BICD1: variants seen among roughly 807,000 people sequenced by gnomAD.
BICD1 encodes the protein protein bicaudal D homolog 1.
Under a neutral mutation model 92.5 loss-of-function variants are expected in BICD1, and 35 were observed. The ratio of observed to expected loss-of-function variants is 0.38; its 90% CI spans 0.29 to 0.50. The LOEUF (loss-of-function observed/expected upper bound fraction) is 0.50. Among genes scored for constraint, BICD1 ranks in the 20% least tolerant of loss-of-function variants. BICD1 has a pLI of 0.93. For synonymous variants in BICD1, 429 were observed against 465.1 expected (o/e 0.92, Z 1.00); for missense variants, 950 against 1,189.8 (o/e 0.80, Z 2.97).
chr12:32,179,182 C>G (rs1231803513), intron 1 of BICD1, among the ~76,000 whole-genome samples: 2 of 151,890 alleles, frequency 1.3e-5, no homozygotes, highest in Non-Finnish European at 2.9e-5. Context: ...GGAAGGAATG[C>G]TGCTTTGCAT....
At chr12:32,246,985 C>T (rs1946405677) in intron 2 of BICD1, among the ~76,000 whole-genome samples, 1 of 152,046 alleles carries the variant, frequency 6.6e-6, no homozygotes, top group Non-Finnish European at 1.5e-5. Flanking sequence ...TGGTCAGGCA[C>T]CGTGGCTCAC....
intron 1 of BICD1, among the ~76,000 whole-genome samples, chr12:32,166,453 AT>A (rs1943775085): frequency 6.6e-6 from 1 of 151,916 alleles, no homozygotes; most frequent in Non-Finnish European, 1.5e-5. Flanking sequence ...GACATTTTTG[AT>A]TGTCACAACT....
intron 2 of BICD1, among the ~76,000 whole-genome samples, chr12:32,256,510 G>A (rs1946725111): frequency 1.3e-5 from 2 of 152,170 alleles, no homozygotes; most frequent in African/African-American, 4.8e-5. Context: ...GATTTACCCA[G>A]TTTTGTTGAG....
intron 9 of BICD1, among the ~76,000 whole-genome samples, chr12:32,374,734 A>AT (rs1179747608): frequency 0.026 from 2,070 of 80,096 alleles, 54 homozygotes; most frequent in Middle Eastern, 0.037. Flanking sequence ...CGCCCGGCTA[A>AT]TTTTTTTTTT....
In BICD1 at chr12:32,349,990, C is replaced by T. The variant is rs143953545; in HGVS notation, c.2764+11011C>T. On this transcript the variant is annotated intron_variant, in intron 8 of 9. Transcript: ENST00000652176. ...GAATGTCCGTCAACATGACAGCCAC[C>T]TAAACTCCTCTGAGGCATTGTAAAC... Among the ~76,000 whole-genome samples the T allele has an allele frequency of 4.7e-4, 71 of 152,328 alleles. 1 individual carries two copies. In the East Asian group the frequency reaches 0.013, roughly 28 times the overall value.
intron 4 of BICD1, among the ~76,000 whole-genome samples, chr12:32,315,265 C>G (rs1565664395): frequency 6.6e-6 from 1 of 152,194 alleles, no homozygotes; most frequent in East Asian, 1.9e-4. Flanking sequence ...CCAAAATCAA[C>G]TGGTCATAGA....
intron 4 of BICD1, among the ~76,000 whole-genome samples, chr12:32,315,969 C>G (rs1301831247): frequency 6.6e-6 from 1 of 151,868 alleles, no homozygotes; most frequent in Non-Finnish European, 1.5e-5. Context: ...AACCCCGTCT[C>G]TACTAAAAAT....
At chr12:32,297,588 T>C (rs1254820693) in intron 3 of BICD1, among the ~76,000 whole-genome samples, 2 of 152,202 alleles carry the variant, frequency 1.3e-5, no homozygotes, top group Non-Finnish European at 2.9e-5. Flanking sequence ...GTCACAAAAT[T>C]GGACTGTGTT....
At chr12:32,256,532 A>T (rs976790264) in intron 2 of BICD1, among the ~76,000 whole-genome samples, 4 of 152,248 alleles carry the variant, frequency 2.6e-5, no homozygotes, top group Non-Finnish European at 5.9e-5. Context: ...TTCAGGTTTT[A>T]AAGCCAGAAA....
At chr12:32,326,914 G>A (rs949473941) in intron 4 of BICD1, among the ~76,000 whole-genome samples, 2 of 152,174 alleles carry the variant, frequency 1.3e-5, no homozygotes, top group Non-Finnish European at 2.9e-5. Flanking sequence ...AATGTAGTGC[G>A]TGTTTATTTT....
At chr12:32,280,004 A>T (rs1330000416) in intron 2 of BICD1, among the ~76,000 whole-genome samples, 2 of 152,216 alleles carry the variant, frequency 1.3e-5, no homozygotes, top group African/African-American at 4.8e-5. Context: ...AGGCTGAAGC[A>T]GGAGAATCAC....
chr12:32,194,778 G>A (rs1200621670), intron 1 of BICD1, among the ~76,000 whole-genome samples: 1 of 152,156 alleles, frequency 6.6e-6, no homozygotes, highest in African/African-American at 2.4e-5. Flanking sequence ...AGCTACTCAG[G>A]AGGCTGAGGT....
intron 5 of BICD1, among the ~76,000 whole-genome samples, chr12:32,331,535 G>A (rs1387017483): frequency 6.6e-6 from 1 of 152,100 alleles, no homozygotes; most frequent in Non-Finnish European, 1.5e-5. Context: ...CTTGGGGATG[G>A]GATCCAGGTC....
chr12:32,138,634 T>C (rs972710425), intron 1 of BICD1, among the ~76,000 whole-genome samples: 58 of 152,234 alleles, frequency 3.8e-4, no homozygotes, highest in African/African-American at 1.4e-3. Flanking sequence ...TTCAACACTT[T>C]ACTTTAAATA....
At chr12:32,309,313 G>C (rs1337584203) in intron 4 of BICD1, among the ~76,000 whole-genome samples, 1 of 152,114 alleles carries the variant, frequency 6.6e-6, no homozygotes, top group African/African-American at 2.4e-5. Flanking sequence ...TGGAAATTAT[G>C]AAGAGGAACC....
At chr12:32,187,586 C>T (rs904284248) in intron 1 of BICD1, among the ~76,000 whole-genome samples, 3 of 152,018 alleles carry the variant, frequency 2.0e-5, no homozygotes, top group East Asian at 1.9e-4. Flanking sequence ...GCATGAAAAT[C>T]GCTTGAACCT....
At chr12:32,136,202 C>A (rs2121334614) in intron 1 of BICD1, among the ~76,000 whole-genome samples, 2 of 152,326 alleles carry the variant, frequency 1.3e-5, no homozygotes, top group African/African-American at 4.8e-5. Context: ...CTTTGTATCA[C>A]CAAGCACCTA....
Position 32,216,267 on chromosome 12 carries a change from C to T in BICD1, c.234C>T (p.Ser78=), listed in dbSNP as rs1945358104. The change falls in exon 2 of 10, where the codon TCC becomes TCT. Residue 78 remains serine, a synonymous_variant. Transcript: ENST00000652176. Reference sequence around the variant, plus strand: ...TGCAGGCATTTGGGCAGTCCTTCTCCATCCACCGGAAGGTTGCTGAAGATG... The same window carrying T: ...TGCAGGCATTTGGGCAGTCCTTCTCTATCCACCGGAAGGTTGCTGAAGATG... ...QLKEAFGQSF[S]IHRKVAEDGE... 1.2e-6 allele frequency: 2 copies of T among 1,613,816 alleles called. No homozygotes were observed.
intron 2 of BICD1, among the ~76,000 whole-genome samples, chr12:32,240,932 T>A (rs1283911907): frequency 6.6e-6 from 1 of 152,222 alleles, no homozygotes; most frequent in African/African-American, 2.4e-5. Flanking sequence ...GAGTTGATGA[T>A]GTTCACCTCA....
Sources: gnomAD v4.1 joint callset for allele counts (sites outside exome capture counted in the v4.1 genomes callset) on GRCh38, gnomAD v4.1.1 for gene constraint, MANE v1.5 for transcripts, NCBI Gene and HGNC (gene_info 2026-07-23, HGNC 2026-07-21) for gene names.